Variants in ENTREP2 observed in about 807,000 individuals in gnomAD.
ENTREP2 encodes the protein protein ENTREP2.
the ENTREP2 span, among the ~76,000 whole-genome samples, chr15:29,460,781 C>T: frequency 6.6e-6 from 1 of 152,156 alleles, no homozygotes; most frequent in African/African-American, 2.4e-5. Context: ...ATTCTAACTA[C>T]AAAACCAAAT....
At chr15:29,190,175 G>A in the ENTREP2 span, among the ~76,000 whole-genome samples, 1 of 152,066 alleles carries the variant, frequency 6.6e-6, no homozygotes, top group African/African-American at 2.4e-5. Flanking sequence ...CTGCACCATC[G>A]GTCAATGGAC....
At chr15:29,407,810 C>A in the ENTREP2 span, among the ~76,000 whole-genome samples, 1 of 151,938 alleles carries the variant, frequency 6.6e-6, no homozygotes, top group Admixed American at 6.6e-5. Flanking sequence ...GGACTACAGG[C>A]ACCCACCAGC....
chr15:29,138,601 ATG>A, the ENTREP2 span, among the ~76,000 whole-genome samples: 15 of 96,404 alleles, frequency 1.6e-4, no homozygotes, highest in East Asian at 3.1e-4. Flanking sequence ...GTATATATGT[ATG>A]TGTGTGTTTG....
the ENTREP2 span, among the ~76,000 whole-genome samples, chr15:29,322,719 T>C: frequency 1.3e-5 from 2 of 152,222 alleles, no homozygotes; most frequent in African/African-American, 4.8e-5. Context: ...TATTTCTATG[T>C]CTCCTCCTTT....
chr15:29,400,124 G>C, the ENTREP2 span, among the ~76,000 whole-genome samples: 1 of 152,136 alleles, frequency 6.6e-6, no homozygotes, highest in Non-Finnish European at 1.5e-5. Context: ...TGTGACTCTT[G>C]TGCCCGTGCA....
chr15:29,421,266 A>G, the ENTREP2 span, among the ~76,000 whole-genome samples: 7 of 152,222 alleles, frequency 4.6e-5, no homozygotes, highest in Non-Finnish European at 1.0e-4. Context: ...ACAGCTCTGC[A>G]GTGAATAATA....
the ENTREP2 span, among the ~76,000 whole-genome samples, chr15:29,151,217 GTCT>G: frequency 6.6e-6 from 1 of 152,144 alleles, no homozygotes; most frequent in Non-Finnish European, 1.5e-5. Flanking sequence ...GGAGTGACAG[GTCT>G]TCTTGTGTAT....
chr15:29,289,216 AAAAAGAAAAAG>A, the ENTREP2 span, among the ~76,000 whole-genome samples: 8 of 151,986 alleles, frequency 5.3e-5, no homozygotes, highest in Non-Finnish European at 1.0e-4. Flanking sequence ...CAAAAAAAAA[AAAAAGAAAAAG>A]AAAAGAAAAA....
chr15:29,305,339 T>C, the ENTREP2 span, among the ~76,000 whole-genome samples: 1 of 152,164 alleles, frequency 6.6e-6, no homozygotes, highest in African/African-American at 2.4e-5. Flanking sequence ...AATTTTGAAC[T>C]GGGGAGTGAC....
chr15:29,478,012 TATA>T, the ENTREP2 span, among the ~76,000 whole-genome samples: 2,173 of 73,646 alleles, frequency 0.03, 138 homozygotes, highest in East Asian at 0.098. Context: ...TATATATATA[TATA>T]TATATTTTTT....
At chr15:29,473,061 C>G in the ENTREP2 span, among the ~76,000 whole-genome samples, 1 of 151,992 alleles carries the variant, frequency 6.6e-6, no homozygotes, top group Non-Finnish European at 1.5e-5. Context: ...GTGGGGGAAG[C>G]AGGGGAGGGG....
the ENTREP2 span, among the ~76,000 whole-genome samples, chr15:29,310,608 C>T: frequency 6.6e-6 from 1 of 152,192 alleles, no homozygotes; most frequent in Admixed American, 6.5e-5. Context: ...GGTCTGAAGG[C>T]TGTCGGGGCA....
chr15:29,217,571 C>T, the ENTREP2 span, among the ~76,000 whole-genome samples: 6 of 152,084 alleles, frequency 3.9e-5, no homozygotes, highest in Non-Finnish European at 7.4e-5. Flanking sequence ...GAGCACTTTG[C>T]ATTTCTATAA....
At chr15:29,193,487 G>A in the ENTREP2 span, among the ~76,000 whole-genome samples, 4 of 152,144 alleles carry the variant, frequency 2.6e-5, no homozygotes, top group African/African-American at 9.7e-5. Context: ...GCAGGTTCTT[G>A]GCCTTGGACT....
At chr15:29,392,369 G>A in the ENTREP2 span, among the ~76,000 whole-genome samples, 6 of 96,370 alleles carry the variant, frequency 6.2e-5, no homozygotes, top group South Asian at 3.0e-4. Context: ...CCCCGACCCC[G>A]ATTAAAGTTC....
At chr15:29,522,171 T>C in the ENTREP2 span, among the ~76,000 whole-genome samples, 9 of 152,194 alleles carry the variant, frequency 5.9e-5, no homozygotes, top group Non-Finnish European at 1.2e-4. Flanking sequence ...CATGAAACTA[T>C]AAAATCTGTA....
At chr15:29,580,425 A>G in the ENTREP2 span, among the ~76,000 whole-genome samples, 3 of 152,214 alleles carry the variant, frequency 2.0e-5, no homozygotes, top group African/African-American at 7.2e-5. Flanking sequence ...AGTACCTGGC[A>G]TATAGCAAAC....
the ENTREP2 span, chr15:29,376,169 G>A: frequency 6.6e-6 from 1 of 151,740 alleles, no homozygotes; most frequent in East Asian, 1.9e-4. Flanking sequence ...CAACTCCATG[G>A]TTATTAGTTT....
the ENTREP2 span, among the ~76,000 whole-genome samples, chr15:29,135,899 C>T: frequency 7.2e-5 from 11 of 152,290 alleles, no homozygotes; most frequent in Non-Finnish European, 1.3e-4. The surrounding 1 kb of genome is among the most constrained non-coding windows in gnomAD (Gnocchi z 7.4). Context: ...CAGGCCGGGG[C>T]GCCCTGGGTA....
Sources: allele counts gnomAD v4.1 joint callset (sites outside exome capture counted in the v4.1 genomes callset), GRCh38; gene constraint gnomAD v4.1.1; non-coding constraint Gnocchi (gnomAD v3.1); transcripts MANE v1.5; gene names NCBI Gene and HGNC (gene_info 2026-07-23, HGNC 2026-07-21).